KIFC3: variants seen among roughly 807,000 people sequenced by gnomAD.
KIFC3 encodes the protein kinesin family member C3.
In KIFC3, 60 loss-of-function variants were observed where a neutral mutation model predicts 101.8. That is an observed-to-expected ratio of 0.59 (90% CI 0.48 to 0.73). KIFC3 has a LOEUF of 0.73. KIFC3 is among the 30% of genes least tolerant of loss of function. The pLI is 0.00. For missense variants in KIFC3, 966 were observed against 1,137.1 expected (o/e 0.85, Z 2.16); for synonymous variants, 476 against 482.7 (o/e 0.99, Z 0.18).
chr16:57,768,261 G>A (rs1480808716), intron 9 of KIFC3, among the ~76,000 whole-genome samples: 1 of 152,086 alleles, frequency 6.6e-6, no homozygotes, highest in Non-Finnish European at 1.5e-5. Flanking sequence ...CAGGAGGGTC[G>A]CTTGAACCCG....
rs777505297 is a variant in KIFC3, at chr16:57,765,480, G to A, written c.1491C>T (p.Ser497=). Residue 497 remains serine (S), a synonymous_variant, in exon 11 of 20, where the codon TCC becomes TCT. Coordinates refer to ENST00000445690, the MANE Select transcript of KIFC3 (RefSeq NM_001130100.2). ...PVSFELDKVF[S]PQASQQDVFQ... ...TCACGTCCTGCTGCGAGGCCTGTGG[G>A]GAGAAGACCTTGTCCAGCTCGAAGG... 29 of 1,585,578 alleles carry A rather than the reference G, an allele frequency of 1.8e-5. No homozygotes were observed. Among genetic ancestry groups the A allele is most frequent in the Non-Finnish European group, 2.4e-5 (28 of 1,164,800 alleles).
intron 3 of KIFC3, chr16:57,775,884 C>T (rs2051997411): frequency 4.1e-6 from 4 of 985,556 alleles, no homozygotes; most frequent in Non-Finnish European, 3.6e-6. Context: ...CGGGCCCAGG[C>T]TCCTCATCAG....
chr16:57,810,782 G>C lies in KIFC3; in HGVS notation c.109-12500C>G, dbSNP rs887495364. The C allele has an allele frequency of 5.8e-6, 4 of 690,260 alleles. No homozygotes were observed. In the African/African-American group the frequency reaches 7.8e-5, roughly 13 times the overall value. 42.8% of individuals were successfully genotyped at this position (690,260 alleles called of 1,614,324 possible). On this transcript the variant is annotated intron_variant, in intron 1 of 2. Coordinates refer to the KIFC3 transcript ENST00000563028. ...TCATTCAATCCCCGCAACAACATGTGTGGTAGGTGTTATTATTCCCATTGT... is the reference window on the plus strand; with the variant it reads ...TCATTCAATCCCCGCAACAACATGTCTGGTAGGTGTTATTATTCCCATTGT...
At chr16:57,815,114 G>A (rs116005497) in intron 1 of KIFC3, among the ~76,000 whole-genome samples, 14 of 152,344 alleles carry the variant, frequency 9.2e-5, no homozygotes, top group African/African-American at 3.4e-4. Flanking sequence ...TTTGGAGGCT[G>A]ATGCTGGCAG....
At chr16:57,764,275 T>TGGGGGGGGGGGGGGTTGGG in intron 11 of KIFC3, 28 bp from the exon 12 acceptor site, 1 of 539,938 alleles carries the variant, frequency 1.9e-6, no homozygotes, top group Non-Finnish European at 3.5e-6. Context: ...GGGAGGCTGG[T>TGGGGGGGGGGGGGGTTGGG]GGGGGGGCTT....
chr16:57,775,927 G>A (rs1555611583), intron 3 of KIFC3: 1 of 985,482 alleles, frequency 1.0e-6, no homozygotes, highest in Non-Finnish European at 1.2e-6. Flanking sequence ...CTGCTGCAGG[G>A]GGCGTCACCC....
At chr16:57,777,675 T>C (rs2967159) in intron 3 of KIFC3, among the ~76,000 whole-genome samples, 110,285 of 151,524 alleles carry the variant, frequency 0.73, 40,801 homozygotes, top group Non-Finnish European at 0.79. Context: ...GAGCTGAGAT[T>C]GCACCACTGC....
intron 1 of KIFC3, chr16:57,816,400 C>A: frequency 1.7e-6 from 1 of 573,106 alleles, no homozygotes. Flanking sequence ...CGCCTTTGGT[C>A]ACAGGACAGA....
intron 18 of KIFC3, 187 bp downstream of exon 18, chr16:57,759,541 C>T (rs913739415): frequency 1.7e-6 from 1 of 588,680 alleles, no homozygotes; most frequent in Non-Finnish European, 3.0e-6. Context: ...TTCCCACCTG[C>T]AGAACGGACA....
intron 9 of KIFC3, among the ~76,000 whole-genome samples, chr16:57,767,186 C>T (rs1452470209): frequency 1.3e-5 from 2 of 152,216 alleles, no homozygotes; most frequent in African/African-American, 4.8e-5. Flanking sequence ...AACTGAGCCG[C>T]AGACACTAAG....
At position 57,762,169 on chromosome 16, in the gene KIFC3, G is replaced by A. The variant is rs115184798; in HGVS notation, c.1719C>T (p.Ser573=). 2.0e-3 allele frequency: 3,246 copies of A among 1,607,462 alleles called. 55 individuals carry two copies. The African/African-American group carries it at 0.039, about 19-fold the overall frequency. Residue 573 remains serine (S), a synonymous_variant, in exon 13 of 20, where the codon AGC becomes AGT. Transcript: ENST00000445690. ...GGACCTCATTGTAGATCTCCGCAGCGCTGACGGTGATGGTGTACTCCCAGT... is the reference window on the plus strand; with the variant it reads ...GGACCTCATTGTAGATCTCCGCAGCACTGACGGTGATGGTGTACTCCCAGT... The part of the protein sequence containing the change: ...ASDWEYTITV[S]AAEIYNEVLR...
intron 3 of KIFC3, among the ~76,000 whole-genome samples, chr16:57,780,297 G>A (rs1461465069): frequency 2.6e-5 from 4 of 152,162 alleles, no homozygotes; most frequent in Non-Finnish European, 4.4e-5. Flanking sequence ...GATCACCTGA[G>A]GTCAGGAATT....
chr16:57,837,064 GTGTT>G (rs1173808075), intron 1 of KIFC3, among the ~76,000 whole-genome samples: 1 of 152,176 alleles, frequency 6.6e-6, no homozygotes, highest in Non-Finnish European at 1.5e-5. Context: ...TAGTGTGTGT[GTGTT>G]TGTTTATGTG....
chr16:57,818,917 A>T (rs1555629429), intron 1 of KIFC3, among the ~76,000 whole-genome samples: 1 of 152,212 alleles, frequency 6.6e-6, no homozygotes, highest in African/African-American at 2.4e-5. Context: ...CTCTGCCAGC[A>T]GCAAGGCCAG....
At chr16:57,850,476 T>G (rs1245621824) in intron 1 of KIFC3, among the ~76,000 whole-genome samples, 4 of 136,206 alleles carry the variant, frequency 2.9e-5, no homozygotes, top group African/African-American at 1.1e-4. Flanking sequence ...TTTTTTTTTT[T>G]TTTTTTTTTT....
chr16:57,763,138 T>C (rs782135571), intron 12 of KIFC3, among the ~76,000 whole-genome samples: 10 of 152,022 alleles, frequency 6.6e-5, no homozygotes, highest in East Asian at 1.9e-4. Flanking sequence ...CACAGCCAGG[T>C]TGGCCCTGTG....
At chr16:57,827,638 G>A (rs1294830358) in intron 1 of KIFC3, among the ~76,000 whole-genome samples, 2 of 152,144 alleles carry the variant, frequency 1.3e-5, no homozygotes, top group African/African-American at 4.8e-5. Flanking sequence ...CTGAGGTCTA[G>A]AAGTCACCCC....
Position 57,798,299 on chromosome 16 carries a change from G to T in KIFC3, c.-39-17C>A. The T allele has an allele frequency of 1.3e-6, 2 of 1,543,230 alleles. No individual in the cohort carries two copies. On this transcript the variant is annotated splice_polypyrimidine_tract_variant and intron_variant, in intron 1 of 19. Coordinates refer to ENST00000445690, the MANE Select transcript of KIFC3 (RefSeq NM_001130100.2). ...CCAGGCAGCCTGCGGAGAGAACAAG[G>T]GGAGATAAGCTTGAAGACCGTGGAC...
intron 1 of KIFC3, among the ~76,000 whole-genome samples, chr16:57,840,036 C>T (rs992832243): frequency 2.6e-5 from 4 of 152,146 alleles, no homozygotes; most frequent in Admixed American, 2.0e-4. Flanking sequence ...CACAGTTGCT[C>T]TAGTCAGAAA....
Sources: gnomAD v4.1 joint callset for allele counts (sites outside exome capture counted in the v4.1 genomes callset) on GRCh38, gnomAD v4.1.1 for gene constraint, MANE v1.5 for transcripts, NCBI Gene and HGNC (gene_info 2026-07-23, HGNC 2026-07-21) for gene names.